Variants in DNAJB4 observed in about 807,000 individuals in gnomAD.
DNAJB4 encodes the protein DnaJ heat shock protein family (Hsp40) member B4, also known as dnaJ homolog subfamily B member 4.
Under a neutral mutation model 26.6 loss-of-function variants are expected in DNAJB4, and 10 were observed. That is an observed-to-expected ratio of 0.38 (90% CI 0.23 to 0.64). The LOEUF (loss-of-function observed/expected upper bound fraction) is 0.64. Ranked by LOEUF, DNAJB4 falls within the 30% of genes least tolerant of loss-of-function variation. The probability of loss-of-function intolerance (pLI) is 0.58; values close to 1 mark genes in which losing one functional copy is unlikely to be tolerated. For synonymous variants in DNAJB4, 136 were observed against 134.8 expected (o/e 1.01, Z -0.06); for missense variants, 328 against 408.2 (o/e 0.80, Z 1.69).
At chr1:78,012,654 A>G (rs1179834187) in intron 1 of DNAJB4, among the ~76,000 whole-genome samples, 1 of 152,066 alleles carries the variant, frequency 6.6e-6, no homozygotes, top group African/African-American at 2.4e-5. Context: ...TACTAAAAAT[A>G]CAAAATTAGC....
At chr1:77,988,043 C>G (rs1274952130) in intron 1 of DNAJB4, among the ~76,000 whole-genome samples, 1 of 139,998 alleles carries the variant, frequency 7.1e-6, no homozygotes, top group East Asian at 2.3e-4. Flanking sequence ...CCCCCCCCCC[C>G]CAGACAGTGT....
intron 1 of DNAJB4, among the ~76,000 whole-genome samples, chr1:78,010,711 G>A (rs775556099): frequency 3.9e-5 from 6 of 152,156 alleles, no homozygotes; most frequent in Admixed American, 2.0e-4. Context: ...AGAATAAGAC[G>A]TAAGCAAAAC....
intron 1 of DNAJB4, among the ~76,000 whole-genome samples, chr1:77,986,123 A>G (rs1278895581): frequency 2.6e-5 from 4 of 152,136 alleles, no homozygotes; most frequent in Non-Finnish European, 5.9e-5. Context: ...AATGTGAGTC[A>G]TTGTCATCCC....
At chr1:77,982,628 G>A (rs952381599) in intron 1 of DNAJB4, among the ~76,000 whole-genome samples, 2 of 152,118 alleles carry the variant, frequency 1.3e-5, no homozygotes, top group African/African-American at 4.8e-5. Context: ...TGAAACATCG[G>A]CTCTACTAAA....
chr1:78,002,252 G>T (rs1008778403), upstream of DNAJB4, among the ~76,000 whole-genome samples: 3 of 151,774 alleles, frequency 2.0e-5, no homozygotes, highest in Admixed American at 6.6e-5. Flanking sequence ...TCCTGTTTTT[G>T]TCATAATTAT....
chr1:77,992,086 TGTTTTATAGAACATAACTATGG>T (rs772332085), intron 1 of DNAJB4, among the ~76,000 whole-genome samples: 78 of 152,304 alleles, frequency 5.1e-4, no homozygotes, highest in Non-Finnish European at 7.2e-4. Flanking sequence ...CCATGGCAAA[TGTTTTATAGAACATAACTATGG>T]GTTTTATAGA....
intron 1 of DNAJB4, among the ~76,000 whole-genome samples, chr1:78,005,842 C>CA (rs1314232602): frequency 6.6e-6 from 1 of 152,206 alleles, no homozygotes; most frequent in African/African-American, 2.4e-5. Flanking sequence ...CTGAACAAGA[C>CA]AGAGTTGTGA....
intron 2 of DNAJB4, 79 bp from the exon 3 acceptor site, chr1:78,015,935 C>A: frequency 8.4e-7 from 1 of 1,191,640 alleles, no homozygotes; most frequent in Non-Finnish European, 1.2e-6. Context: ...TGGTATTATC[C>A]TTTACCATCT....
chr1:77,981,163 T>C (rs1329843049), intron 1 of DNAJB4: 1 of 85,216 alleles, frequency 1.2e-5, no homozygotes, highest in Non-Finnish European at 2.5e-5. Context: ...AGGACCTCAA[T>C]TTTTTTTTTT....
At chr1:78,004,521 TAACA>T (rs1402980044), upstream of DNAJB4, 3 of 151,972 alleles carry the variant, frequency 2.0e-5, no homozygotes, top group East Asian at 1.9e-4. Flanking sequence ...ATTATATACT[TAACA>T]GACAAATAGC....
rs562280950 is a variant in DNAJB4, at chr1:78,012,748, G to A, written c.212-303G>A. Among the ~76,000 whole-genome samples the A allele has an allele frequency of 1.5e-4, 23 of 152,282 alleles. No individual in the cohort carries two copies. In the South Asian group the frequency reaches 4.6e-3, roughly 30 times the overall value. ...TGTTTGAACCTGGGAGGCGGAGGTT[G>A]CGGTGAGCCAAGATTGCGCCATTGC... On this transcript the variant is annotated intron_variant, in intron 1 of 2. Coordinates refer to ENST00000370763, the MANE Select transcript of DNAJB4 (RefSeq NM_007034.5).
intron 1 of DNAJB4, 89 bp downstream of exon 1, chr1:78,005,410 T>C (rs1001550674): frequency 8.7e-7 from 1 of 1,144,226 alleles, no homozygotes; most frequent in Non-Finnish European, 1.2e-6. Context: ...CCCCTCTCTC[T>C]CAGCTTGTTA....
rs1016085244 is a variant in DNAJB4, at chr1:78,017,748, T to C, written c.*1501T>C. ...GTCTGTTCTGGACATTTCACATAAA[T>C]AGACTCAAACAATATATGGCTTTTT... On this transcript the variant is annotated 3_prime_UTR_variant, in exon 3 of 3. Transcript: ENST00000370763. The C allele has an allele frequency of 4.1e-5, 6 of 147,376 alleles. No individual in the cohort carries two copies. The highest frequency in any genetic ancestry group is 6.9e-5 in the Admixed American group (1 of 14,408). 9.1% of individuals were successfully genotyped at this position (147,376 alleles called of 1,614,324 possible).
chr1:78,012,978 C>T, intron 1 of DNAJB4, 73 bp from the exon 2 acceptor site: 1 of 1,340,822 alleles, frequency 7.5e-7, no homozygotes. Context: ...AATTTATTAG[C>T]AATACAGTTT....
chr1:78,017,687 A>C lies in DNAJB4; in HGVS notation c.*1440A>C, dbSNP rs1026203722. 7 of 152,092 alleles carry C rather than the reference A, an allele frequency of 4.6e-5. No individual in the cohort carries two copies. The highest frequency in any genetic ancestry group is 1.7e-4 in the African/African-American group (7 of 41,432). 9.4% of individuals were successfully genotyped at this position (152,092 alleles called of 1,614,324 possible). On this transcript the variant is annotated 3_prime_UTR_variant, in exon 3 of 3. Transcript: ENST00000370763. ...CATTCTTCCCTTCCTCCAGCCCCTG[A>C]AAACACTACCATCTACTTTTCATCT...
chr1:77,998,422 G>A (rs989278771), intron 1 of DNAJB4, among the ~76,000 whole-genome samples: 3 of 152,170 alleles, frequency 2.0e-5, no homozygotes, highest in African/African-American at 4.8e-5. Context: ...GGTAAGGGGC[G>A]TGGGAGAGTA....
intron 1 of DNAJB4, among the ~76,000 whole-genome samples, chr1:77,991,488 T>C (rs778414171): frequency 2.0e-5 from 3 of 152,168 alleles, no homozygotes; most frequent in Non-Finnish European, 4.4e-5. Context: ...GGCTCACATC[T>C]GTAATCCCAC....
intron 1 of DNAJB4, among the ~76,000 whole-genome samples, chr1:78,006,917 T>G (rs2102607138): frequency 6.6e-6 from 1 of 152,356 alleles, no homozygotes; most frequent in East Asian, 1.9e-4. Flanking sequence ...CTGCTTTGTA[T>G]TTAAAATATT....
At chr1:77,988,390 A>G (rs1453971104) in intron 1 of DNAJB4, among the ~76,000 whole-genome samples, 1 of 152,178 alleles carries the variant, frequency 6.6e-6, no homozygotes, top group Non-Finnish European at 1.5e-5. Flanking sequence ...GTGACCTATC[A>G]TTCGCGTAAA....
Sources: allele counts gnomAD v4.1 joint callset (sites outside exome capture counted in the v4.1 genomes callset), GRCh38; gene constraint gnomAD v4.1.1; transcripts MANE v1.5; gene names NCBI Gene and HGNC (gene_info 2026-07-23, HGNC 2026-07-21).